RASSF4: variants seen among roughly 807,000 people sequenced by gnomAD.
RASSF4 encodes Ras association domain family member 4, also known as ras association domain-containing protein 4.
In RASSF4, 38 loss-of-function variants were observed where a neutral mutation model predicts 41.1. The ratio of observed to expected loss-of-function variants is 0.92; its 90% confidence interval spans 0.71 to 1.21. The LOEUF (loss-of-function observed/expected upper bound fraction) is 1.21, where lower values mean the gene tolerates loss of function less well. RASSF4 is among the 50% of genes most tolerant of loss of function. The pLI, the probability that RASSF4 is intolerant of heterozygous loss-of-function variation, is 0.00. For missense variants in RASSF4, 414 were observed against 419.4 expected (o/e 0.99, Z 0.11); for synonymous variants, 179 against 163.4 (o/e 1.10, Z -0.73).
rs1341788546 is a variant in RASSF4 at position 44,994,812 on chromosome 10, G to C, written c.*1483G>C. On this transcript the variant is annotated 3_prime_UTR_variant, in exon 11 of 11. Coordinates refer to ENST00000340258, the MANE Select transcript of RASSF4 (RefSeq NM_032023.4). The stretch of plus-strand genomic sequence containing the variant: ...GAAACTCTTATCCTAAAGGATGTGT[G>C]GCCATGTTTGGCAGAAGAGCCACAA... The C allele has an allele frequency of 6.6e-6, 1 of 151,228 alleles. No homozygotes were observed. The highest frequency in any genetic ancestry group is 1.5e-5 in the Non-Finnish European group (1 of 67,978). The allele number at this position is 151,228 out of a possible 1,614,324, so 9.4% of individuals were successfully genotyped here.
At chr10:44,988,539 G>A (rs1262770336) in intron 6 of RASSF4, among the ~76,000 whole-genome samples, 2 of 152,136 alleles carry the variant, frequency 1.3e-5, no homozygotes, top group South Asian at 2.1e-4. Flanking sequence ...TCATACGTGC[G>A]AGACAATGAG....
intron 2 of RASSF4, chr10:44,970,480 A>G (rs1841106642): frequency 3.6e-6 from 2 of 560,676 alleles, no homozygotes; most frequent in Non-Finnish European, 3.2e-6. Flanking sequence ...AATAGAAAAG[A>G]GGCTCCAGAT....
At chr10:44,974,886 G>A (rs947444716) in intron 3 of RASSF4, among the ~76,000 whole-genome samples, 59 of 152,230 alleles carry the variant, frequency 3.9e-4, no homozygotes, top group African/African-American at 1.4e-3. Context: ...AATTTTGCTT[G>A]TATTACAACA....
intron 9 of RASSF4, among the ~76,000 whole-genome samples, chr10:44,991,506 TGC>T (rs1842112294): frequency 6.6e-6 from 1 of 152,198 alleles, no homozygotes; most frequent in South Asian, 2.1e-4. Context: ...GCATAGAAGA[TGC>T]TTACAGGGTT....
At chr10:44,980,797 C>T (rs377081645) in intron 3 of RASSF4, 12 of 152,338 alleles carry the variant, frequency 7.9e-5, no homozygotes, top group African/African-American at 2.7e-4. Context: ...CCCACAAGCT[C>T]TCTCCACTGA....
intron 4 of RASSF4, 198 bp downstream of exon 4, chr10:44,982,861 T>A: frequency 1.4e-6 from 1 of 708,138 alleles, no homozygotes; most frequent in Non-Finnish European, 2.6e-6. Context: ...CTGGAGAACA[T>A]TCCAGGCTCC....
Position 44,982,207 on chromosome 10 carries a change from G to A in RASSF4, c.139-314G>A, listed in dbSNP as rs1841735464. 3 of 395,558 alleles carry A rather than the reference G, an allele frequency of 7.6e-6. 1 individual carries two copies. Among genetic ancestry groups the A allele is most frequent in the Non-Finnish European group, 1.4e-5 (3 of 218,448 alleles). 24.5% of individuals were successfully genotyped at this position (395,558 alleles called of 1,614,324 possible). On this transcript the variant is annotated intron_variant, in intron 3 of 10. Transcript: ENST00000340258. ...TGAGCAGACAGGCTGTGCGTCCCTG[G>A]AACCACTTCTTCACCGCGGTGTGGA...
At chr10:44,974,996 A>G (rs1382194240) in intron 3 of RASSF4, among the ~76,000 whole-genome samples, 1 of 152,208 alleles carries the variant, frequency 6.6e-6, no homozygotes, top group Non-Finnish European at 1.5e-5. Context: ...ACCGCCCGGA[A>G]ATGTCCTTGT....
chr10:44,972,755 G>A (rs1272826643), intron 3 of RASSF4, among the ~76,000 whole-genome samples: 1 of 152,244 alleles, frequency 6.6e-6, no homozygotes, highest in Non-Finnish European at 1.5e-5. Context: ...TGGTGAGGCT[G>A]TTTTTTGGGG....
chr10:44,987,660 T>G (rs1322810471), intron 6 of RASSF4, among the ~76,000 whole-genome samples: 1 of 150,360 alleles, frequency 6.7e-6, no homozygotes. Flanking sequence ...CTGCGGTTTC[T>G]GCAAATTGAA....
chr10:44,983,311 C>T (rs1841791865), intron 4 of RASSF4: 1 of 234,794 alleles, frequency 4.3e-6, no homozygotes, highest in Non-Finnish European at 8.5e-6. Context: ...ACAGCACCCA[C>T]CACCCTGACA....
chr10:44,991,107 G>A (rs1214719066), intron 9 of RASSF4, 38 bp downstream of exon 9: 1 of 1,585,906 alleles, frequency 6.3e-7, no homozygotes, highest in Non-Finnish European at 8.6e-7. Context: ...CTGCTCTAGG[G>A]TGAGGGGTTC....
intron 6 of RASSF4, among the ~76,000 whole-genome samples, chr10:44,987,340 G>A (rs962486458): frequency 3.9e-5 from 6 of 152,086 alleles, no homozygotes; most frequent in Non-Finnish European, 7.4e-5. Flanking sequence ...CTCGTGATCC[G>A]CCCGCCTTTG....
chr10:44,978,125 T>A, intron 3 of RASSF4: 4 of 1,430,852 alleles, frequency 2.8e-6, no homozygotes, highest in Non-Finnish European at 3.8e-6. Context: ...GTCACCACAC[T>A]CCTCTGGGGC....
At chr10:44,960,570 A>G (rs566905688) in intron 1 of RASSF4, among the ~76,000 whole-genome samples, 145 of 152,218 alleles carry the variant, frequency 9.5e-4, no homozygotes, top group African/African-American at 3.2e-3. Context: ...CCCATCCTGC[A>G]CTTCCCACTT....
At chr10:44,970,289 C>G (rs138872052) in intron 2 of RASSF4, 25 bp downstream of exon 2, 4 of 1,603,622 alleles carry the variant, frequency 2.5e-6, no homozygotes, top group Non-Finnish European at 2.6e-6. Context: ...GCAGGTTGGG[C>G]GGGGGAGTCT....
intron 1 of RASSF4, among the ~76,000 whole-genome samples, chr10:44,968,988 G>A (rs1036062554): frequency 6.6e-6 from 1 of 151,382 alleles, no homozygotes; most frequent in Non-Finnish European, 1.5e-5. Context: ...GTGAGATTGT[G>A]AGTGTTTGTG....
intron 3 of RASSF4, among the ~76,000 whole-genome samples, chr10:44,980,431 C>T (rs1319677308): frequency 1.3e-5 from 2 of 152,166 alleles, no homozygotes; most frequent in Non-Finnish European, 1.5e-5. Flanking sequence ...CATTCAGATG[C>T]GGCCAAGCTG....
intron 1 of RASSF4, among the ~76,000 whole-genome samples, chr10:44,966,699 ATC>A (rs1184012556): frequency 6.6e-6 from 1 of 152,168 alleles, no homozygotes; most frequent in Non-Finnish European, 1.5e-5. Context: ...GTAATTTAGC[ATC>A]TCAGAGAGTT....
Sources: gnomAD v4.1 joint callset for allele counts (sites outside exome capture counted in the v4.1 genomes callset) on GRCh38, gnomAD v4.1.1 for gene constraint, MANE v1.5 for transcripts, NCBI Gene and HGNC (gene_info 2026-07-23, HGNC 2026-07-21) for gene names.